Variants in OFD1 observed in about 807,000 individuals in gnomAD.
OFD1 encodes OFD1 centriole and centriolar satellite protein, also known as centriole and centriolar satellite protein OFD1.
A neutral mutation model predicts 81.4 loss-of-function variants in OFD1; 12 were observed. The ratio of observed to expected loss-of-function variants is 0.15; its 90% CI spans 0.09 to 0.24. The LOEUF (loss-of-function observed/expected upper bound fraction) is 0.24, where lower values mean the gene tolerates loss of function less well. Among genes scored for constraint, OFD1 ranks in the 10% least tolerant of loss-of-function variants. The probability of loss-of-function intolerance (pLI) is 1.00; values close to 1 mark genes in which losing one functional copy is unlikely to be tolerated. For synonymous variants in OFD1, 256 were observed against 263.7 expected (o/e 0.97, Z 0.28); for missense variants, 685 against 733.9 (o/e 0.93, Z 0.77).
downstream of OFD1, chrX:13,772,780 A>G (rs781062015): frequency 1.4e-5 from 11 of 784,715 alleles, no homozygotes; most frequent in Non-Finnish European, 1.9e-5. Flanking sequence ...GTGTTTGTAC[A>G]TCTACATTAG....
chrX:13,739,995 T>G (rs1160585050), intron 5 of OFD1: 1 of 908,311 alleles, frequency 1.1e-6, no homozygotes, highest in Non-Finnish European at 1.4e-6. Flanking sequence ...GTCTGTTGCC[T>G]GCACTATCAT....
intron 12 of OFD1, among the ~76,000 whole-genome samples, chrX:13,756,376 C>T (rs779553027): frequency 9.0e-6 from 1 of 111,538 alleles, no homozygotes; most frequent in Non-Finnish European, 1.9e-5. Context: ...TCATGGGATG[C>T]GGCCTATAAA....
the OFD1 span, among the ~76,000 whole-genome samples, chrX:13,719,248 CAA>C: frequency 9.7e-6 from 1 of 103,261 alleles, no homozygotes. Context: ...TTCCTTGTCT[CAA>C]AAAAAAAAAA....
chrX:13,758,427 C>G lies in OFD1; in HGVS notation c.1633C>G (p.Gln545Glu), dbSNP rs762755957. The G allele has an allele frequency of 2.5e-6, 3 of 1,180,396 alleles. No individual in the cohort carries two copies. The highest frequency in any genetic ancestry group is 3.6e-5 in the South Asian group (2 of 56,063). ...TACTCAGGTTGCCGATTTAAAATTG[C>G]AACTGAAGCAAACTCAGACAGGTTA... ...LTTQVADLKL[Q>E]LKQTQTALEN... The change falls in exon 15 of 23, where the codon CAA (glutamine) becomes GAA (glutamate). Residue 545 changes from glutamine (Q) to glutamate (E), a missense_variant. Gln to Glu is a conservative substitution (Grantham distance 29, BLOSUM62 2). Around this residue, in one of 3 missense-constraint regions of OFD1, gnomAD observed 414 missense variants for 447.2 expected, o/e 0.93. Coordinates refer to ENST00000340096, the MANE Select transcript of OFD1 (RefSeq NM_003611.3).
chrX:13,753,725 G>T (rs1192827134), intron 11 of OFD1, among the ~76,000 whole-genome samples: 2 of 111,826 alleles, frequency 1.8e-5, no homozygotes, highest in Non-Finnish European at 3.8e-5. Flanking sequence ...ATCTGCAATT[G>T]TCAGGAACGT....
At chrX:13,717,652 T>C in the OFD1 span, among the ~76,000 whole-genome samples, 1 of 110,442 alleles carries the variant, frequency 9.1e-6, no homozygotes, top group Non-Finnish European at 1.9e-5. Context: ...GGCAGGAGAA[T>C]TGCTTGAACC....
chrX:13,722,208 C>CAGAAAAAAAAAAAAAAAAAAAAAAAAAA, the OFD1 span: 2 of 36,118 alleles, frequency 5.5e-5, no homozygotes, highest in Middle Eastern at 0.014. Context: ...TAAGCAGCAG[C>CAGAAAAAAAAAAAAAAAAAAAAAAAAAA]AAAAAAAAAA....
intron 11 of OFD1, among the ~76,000 whole-genome samples, chrX:13,753,766 T>C (rs934516410): frequency 9.2e-6 from 1 of 108,742 alleles, no homozygotes; most frequent in African/African-American, 3.4e-5. Flanking sequence ...AAGTACGTAT[T>C]ACTCCTAACC....
In OFD1 at chrX:13,734,797, G is replaced by C. The variant is rs1437741889; in HGVS notation, c.-275G>C. Reference sequence around the variant, plus strand: ...CGCTGCCTTCAGTCCCTAGTGTCTGGGTCCCCGCCCTCCAGCCGCCTTTGA... The same window carrying C: ...CGCTGCCTTCAGTCCCTAGTGTCTGCGTCCCCGCCCTCCAGCCGCCTTTGA... On this transcript the variant is annotated 5_prime_UTR_variant, in exon 1 of 23. Transcript: ENST00000340096. 8 of 1,071,840 alleles carry C rather than the reference G, an allele frequency of 7.5e-6. No individual in the cohort carries two copies. In the African/African-American group the frequency reaches 1.5e-4, roughly 20 times the overall value. The allele number at this position is 1,071,840 out of a possible 1,213,427, so 88.3% of individuals were successfully genotyped here.
At chrX:13,770,837 G>C (rs2048282515), downstream of OFD1, among the ~76,000 whole-genome samples, 1 of 112,144 alleles carries the variant, frequency 8.9e-6, no homozygotes, top group South Asian at 3.6e-4. Flanking sequence ...TCACAGATTT[G>C]ATTTCCATAC....
At chrX:13,757,510 G>C (rs1193043378) in intron 13 of OFD1, 150 bp from the exon 14 acceptor site, 1 of 613,213 alleles carries the variant, frequency 1.6e-6, no homozygotes, top group Non-Finnish European at 2.5e-6. Context: ...GGATTGCTCT[G>C]AGCTCATTTA....
chrX:13,773,104 C>T (rs1602957307), downstream of OFD1: 1 of 960,164 alleles, frequency 1.0e-6, no homozygotes, highest in African/African-American at 1.9e-5. Flanking sequence ...TTAGATTAGA[C>T]AGACTTGACT....
At chrX:13,769,421 A>C (rs1334374176), downstream of OFD1, 1 of 229,973 alleles carries the variant, frequency 4.3e-6, no homozygotes, top group African/African-American at 2.9e-5. Flanking sequence ...GCAGGCCTAC[A>C]TTTTGGAAGT....
At chrX:13,738,459 G>C (rs1329243530) in intron 3 of OFD1, among the ~76,000 whole-genome samples, 1 of 112,475 alleles carries the variant, frequency 8.9e-6, no homozygotes, top group Admixed American at 9.4e-5. Flanking sequence ...TTTAAGGACA[G>C]TAAAAATCTA....
chrX:13,735,234 A>G lies in OFD1; in HGVS notation c.13-14A>G, dbSNP rs2046812376. ...TCTGCCCCGCAGGTAACCTATAACCATTTTGTCTTTTAGTCCAACATGTTT... is the reference window on the plus strand; with the variant it reads ...TCTGCCCCGCAGGTAACCTATAACCGTTTTGTCTTTTAGTCCAACATGTTT... On this transcript the variant is annotated splice_polypyrimidine_tract_variant and intron_variant, in intron 1 of 22. Coordinates refer to ENST00000340096, the MANE Select transcript of OFD1 (RefSeq NM_003611.3). 5.0e-6 allele frequency: 6 copies of G among 1,207,244 alleles called. No homozygotes were observed. The highest frequency in any genetic ancestry group is 6.7e-6 in the Non-Finnish European group (6 of 892,143).
At chrX:13,730,517 C>T (rs2046652391), upstream of OFD1, among the ~76,000 whole-genome samples, 2 of 111,594 alleles carry the variant, frequency 1.8e-5, no homozygotes, top group African/African-American at 3.3e-5. Flanking sequence ...GGCGATTCCT[C>T]AAGGATCTAG....
At chrX:13,738,201 T>C (rs1337015205) in intron 3 of OFD1, among the ~76,000 whole-genome samples, 1 of 112,439 alleles carries the variant, frequency 8.9e-6, no homozygotes, top group Non-Finnish European at 1.9e-5. Flanking sequence ...CTTTATACTT[T>C]TACTTATTGT....
intron 21 of OFD1, 93 bp from the exon 22 acceptor site, chrX:13,768,620 TTTAAA>T: frequency 4.2e-6 from 3 of 706,071 alleles, no homozygotes; most frequent in Non-Finnish European, 4.5e-6. Context: ...TTTTTAGACT[TTTAAA>T]TTACATATAT....
chrX:13,763,956 G>A (rs1371695209), intron 19 of OFD1, 101 bp downstream of exon 19: 4 of 652,707 alleles, frequency 6.1e-6, no homozygotes, highest in Admixed American at 2.3e-5. Flanking sequence ...TCATCTTGTA[G>A]GTGTAAATTA....
Sources: gnomAD v4.1 joint callset for allele counts (sites outside exome capture counted in the v4.1 genomes callset) on GRCh38, gnomAD v4.1.1 for gene constraint, gnomAD v4.1.1 regional missense constraint, MANE v1.5 for transcripts, NCBI Gene and HGNC (gene_info 2026-07-23, HGNC 2026-07-21) for gene names.